NOSTRIN: variants seen among roughly 807,000 people sequenced by gnomAD.
The protein encoded by NOSTRIN is BM247 homolog.
Under a neutral mutation model 59.0 loss-of-function variants are expected in NOSTRIN, and 63 were observed. The observed-to-expected ratio is 1.07, with a 90% CI of 0.87 to 1.32. The LOEUF (loss-of-function observed/expected upper bound fraction) is 1.32. Among genes scored for constraint, NOSTRIN ranks in the 40% most tolerant of loss-of-function variants. The probability of loss-of-function intolerance (pLI) is 0.00; values close to 1 mark genes in which losing one functional copy is unlikely to be tolerated. For synonymous variants in NOSTRIN, 200 were observed against 165.4 expected, an observed-to-expected ratio of 1.21 and a Z score of -1.61; for missense variants, 512 against 473.1, an observed-to-expected ratio of 1.08 and a Z score of -0.76.
chr2:168,803,175 G>T (rs1232031552), intron 1 of NOSTRIN, among the ~76,000 whole-genome samples: 1 of 152,176 alleles, frequency 6.6e-6, no homozygotes, highest in East Asian at 1.9e-4. Context: ...GTGGCTCTCA[G>T]ACTGGTTTAG....
chr2:168,836,886 A>G (rs992231799), intron 7 of NOSTRIN, among the ~76,000 whole-genome samples: 4 of 152,160 alleles, frequency 2.6e-5, no homozygotes, highest in East Asian at 3.8e-4. Context: ...CCAGCCTTCT[A>G]TAACTCCCCC....
chr2:168,795,966 T>A (rs1685468322), upstream of NOSTRIN, among the ~76,000 whole-genome samples: 1 of 152,256 alleles, frequency 6.6e-6, no homozygotes, highest in Non-Finnish European at 1.5e-5. Context: ...AAAAATTTTT[T>A]TTAAAATATG....
chr2:168,835,237 G>C (rs939752714), intron 7 of NOSTRIN, among the ~76,000 whole-genome samples: 1 of 151,182 alleles, frequency 6.6e-6, no homozygotes, highest in South Asian at 2.1e-4. Flanking sequence ...ACCATGCTCG[G>C]CTAATTTTTT....
chr2:168,829,581 A>G (rs1319691431), intron 5 of NOSTRIN, among the ~76,000 whole-genome samples: 1 of 152,200 alleles, frequency 6.6e-6, no homozygotes, highest in African/African-American at 2.4e-5. Flanking sequence ...TTGGCCTCCC[A>G]AAGTGCTGGG....
At chr2:168,825,608 G>A (rs1234419554) in intron 3 of NOSTRIN, among the ~76,000 whole-genome samples, 1 of 152,138 alleles carries the variant, frequency 6.6e-6, no homozygotes, top group Non-Finnish European at 1.5e-5. Flanking sequence ...GTACTGAAAG[G>A]TATTGGTTCA....
intron 2 of NOSTRIN, chr2:168,788,089 T>C (rs1685252332): frequency 6.6e-6 from 1 of 151,944 alleles, no homozygotes; most frequent in African/African-American, 2.4e-5. Context: ...ATAGTAACGA[T>C]GACAGCCAGG....
intron 7 of NOSTRIN, among the ~76,000 whole-genome samples, 182 bp downstream of exon 7, chr2:168,834,507 G>GCGTGCGCACACACA (rs756381301): frequency 2.3e-4 from 29 of 125,340 alleles, no homozygotes; most frequent in Non-Finnish European, 3.8e-4. Context: ...GCGCGCGCGC[G>GCGTGCGCACACACA]CACACACACA....
intron 13 of NOSTRIN, among the ~76,000 whole-genome samples, chr2:168,859,956 T>C (rs1689341446): frequency 6.6e-6 from 1 of 152,230 alleles, no homozygotes; most frequent in Non-Finnish European, 1.5e-5. Flanking sequence ...AATTTTAATA[T>C]TCGTTCAGAC....
intron 13 of NOSTRIN, 79 bp from the exon 14 acceptor site, chr2:168,860,716 C>T: frequency 1.2e-6 from 1 of 851,152 alleles, no homozygotes; most frequent in Non-Finnish European, 1.9e-6. Flanking sequence ...TTGAGGAAAA[C>T]AGCTACAGAA....
intron 8 of NOSTRIN, 132 bp downstream of exon 8, chr2:168,843,249 C>CA: frequency 1.8e-6 from 1 of 561,610 alleles, no homozygotes. Flanking sequence ...TGACTTCAGA[C>CA]AAACCACATT....
At chr2:168,803,918 G>A (rs1289551110) in intron 1 of NOSTRIN, among the ~76,000 whole-genome samples, 1 of 152,080 alleles carries the variant, frequency 6.6e-6, no homozygotes, top group Non-Finnish European at 1.5e-5. Context: ...ATCCTCTCCT[G>A]TCTCAACACT....
intron 7 of NOSTRIN, among the ~76,000 whole-genome samples, 182 bp downstream of exon 7, chr2:168,834,507 G>GCACGCGCGCACACACACA (rs1553527196): frequency 9.6e-5 from 12 of 125,342 alleles, no homozygotes; most frequent in Non-Finnish European, 1.7e-4. Context: ...GCGCGCGCGC[G>GCACGCGCGCACACACACA]CACACACACA....
chr2:168,842,518 A>T (rs750499275), intron 7 of NOSTRIN, among the ~76,000 whole-genome samples: 7 of 152,228 alleles, frequency 4.6e-5, no homozygotes, highest in Non-Finnish European at 8.8e-5. Context: ...ATATCGCTAG[A>T]TAGGACAGTA....
chr2:168,794,829 A>G (rs1685441724), upstream of NOSTRIN, among the ~76,000 whole-genome samples: 1 of 149,884 alleles, frequency 6.7e-6, no homozygotes, highest in Non-Finnish European at 1.5e-5. Context: ...TCCTGGGCTC[A>G]AGGGATCCTC....
upstream of NOSTRIN, among the ~76,000 whole-genome samples, chr2:168,793,841 C>T (rs1260375806): frequency 6.6e-6 from 1 of 152,126 alleles, no homozygotes; most frequent in African/African-American, 2.4e-5. Context: ...TTTCTGGATA[C>T]AACAGAATAG....
chr2:168,837,397 C>G lies in NOSTRIN; in HGVS notation c.504+3072C>G, dbSNP rs531421499. 2.0e-5 allele frequency among the ~76,000 whole-genome samples: 3 copies of G among 147,968 alleles called. No homozygotes were observed. In the East Asian group the frequency reaches 5.9e-4, roughly 29 times the overall value. ...CGATCTCGGCTTACTGCAAGCTCCG[C>G]CTTCTGGGTTCATGACATTCTCCTG... On this transcript the variant is annotated intron_variant, in intron 7 of 15. Transcript: ENST00000317647.
intron 10 of NOSTRIN, 28 bp downstream of exon 10, chr2:168,851,432 A>G (rs1265077055): frequency 6.3e-7 from 1 of 1,584,248 alleles, no homozygotes; most frequent in South Asian, 1.2e-5. Context: ...AAAAAAAGTT[A>G]CATTAATGGA....
At chr2:168,840,651 G>A (rs184351653) in intron 7 of NOSTRIN, among the ~76,000 whole-genome samples, 159 of 151,886 alleles carry the variant, frequency 1.0e-3, no homozygotes, top group Non-Finnish European at 2.0e-3. Context: ...TGGTATTAAC[G>A]TTCAACATTT....
upstream of NOSTRIN, among the ~76,000 whole-genome samples, chr2:168,799,409 T>C (rs983860870): frequency 6.6e-6 from 1 of 152,180 alleles, no homozygotes; most frequent in African/African-American, 2.4e-5. Context: ...CAAAGTCCCC[T>C]TGGGCCATTT....
Sources: allele counts gnomAD v4.1 joint callset (sites outside exome capture counted in the v4.1 genomes callset), GRCh38; gene constraint gnomAD v4.1.1; transcripts MANE v1.5; gene names NCBI Gene and HGNC (gene_info 2026-07-23, HGNC 2026-07-21).